The following SLC25A48 variants were observed in gnomAD, a reference collection of about 807,000 sequenced individuals.
SLC25A48 encodes solute carrier family 25 member 48.
In SLC25A48, 29 loss-of-function variants were observed where a neutral mutation model predicts 32.2. The ratio of observed to expected loss-of-function variants is 0.90; its 90% CI spans 0.67 to 1.23. The LOEUF (loss-of-function observed/expected upper bound fraction) is 1.23. SLC25A48 is among the 50% of genes most tolerant of loss of function. SLC25A48 has a pLI of 0.00. For synonymous variants in SLC25A48, 164 were observed against 172.3 expected, an observed-to-expected ratio of 0.95 and a Z score of 0.38; for missense variants, 399 against 422.7, an observed-to-expected ratio of 0.94 and a Z score of 0.49.
At chr5:135,699,446 A>G (rs752290483) in intron 3 of SLC25A48, among the ~76,000 whole-genome samples, 12 of 151,856 alleles carry the variant, frequency 7.9e-5, no homozygotes, top group Non-Finnish European at 1.8e-4. Context: ...ACCAAGAGAT[A>G]CATGACATGA....
At chr5:135,770,085 C>CG (rs35297042) in intron 3 of SLC25A48, among the ~76,000 whole-genome samples, 60,701 of 151,038 alleles carry the variant, frequency 0.4, 14,091 homozygotes, top group Non-Finnish European at 0.52. Flanking sequence ...TCCTAATAGC[C>CG]GGGGGGGAGA....
At chr5:135,882,933 C>A (rs1561565147) in intron 7 of SLC25A48, 1 of 445,888 alleles carries the variant, frequency 2.2e-6, no homozygotes, top group Non-Finnish European at 3.0e-6. Context: ...CCCTGAGAGC[C>A]TCTGCCAGTC....
At position 135,690,622 on chromosome 5, in the gene SLC25A48, G is replaced by C. The variant is rs573789735; in HGVS notation, c.-521+55666G>C. 9.2e-5 allele frequency among the ~76,000 whole-genome samples: 14 copies of C among 152,284 alleles called. No homozygotes were observed. In the Middle Eastern group the frequency reaches 0.01, roughly 111 times the overall value. ...ATTCTCTTATGCTGTGCCATCAGCT[G>C]AGCCCTCCCTTCCCAAAACACCTGC... On this transcript the variant is annotated intron_variant, in intron 3 of 10. Coordinates refer to the SLC25A48 transcript ENST00000646290.
chr5:135,832,891 T>C (rs1758260389), upstream of SLC25A48, among the ~76,000 whole-genome samples: 1 of 152,174 alleles, frequency 6.6e-6, no homozygotes, highest in African/African-American at 2.4e-5. Context: ...TGGATCTCTG[T>C]GGAGTTTCTT....
chr5:135,686,155 G>A (rs1357351049), intron 3 of SLC25A48, among the ~76,000 whole-genome samples: 1 of 152,278 alleles, frequency 6.6e-6, no homozygotes, highest in East Asian at 1.9e-4. Flanking sequence ...TCTCATCTTG[G>A]ACACATCAGT....
chr5:135,679,190 T>A (rs1426805915), intron 3 of SLC25A48, among the ~76,000 whole-genome samples: 1 of 152,102 alleles, frequency 6.6e-6, no homozygotes, highest in African/African-American at 2.4e-5. Flanking sequence ...GGCAGGTCAG[T>A]CCCCAGACTT....
At chr5:135,707,433 C>A (rs1754543303) in intron 3 of SLC25A48, among the ~76,000 whole-genome samples, 1 of 152,170 alleles carries the variant, frequency 6.6e-6, no homozygotes, top group Non-Finnish European at 1.5e-5. Context: ...CTGCCCAGAT[C>A]CCTCCCTGAG....
At chr5:135,608,092 A>G (rs1018232559) in intron 1 of SLC25A48, among the ~76,000 whole-genome samples, 7 of 152,212 alleles carry the variant, frequency 4.6e-5, no homozygotes, top group South Asian at 2.1e-4. Context: ...AAATGGTCCA[A>G]GCTCAGAGAT....
At chr5:135,814,003 A>AG (rs549208531) in intron 4 of SLC25A48, among the ~76,000 whole-genome samples, 32 of 152,236 alleles carry the variant, frequency 2.1e-4, no homozygotes, top group Non-Finnish European at 3.1e-4. Context: ...ACTCCAGGAA[A>AG]GGAAACATGA....
chr5:135,826,144 A>T (rs924849850), intron 4 of SLC25A48: 1 of 152,586 alleles, frequency 6.6e-6, no homozygotes, highest in African/African-American at 2.4e-5. Flanking sequence ...CAGCAGAGCC[A>T]GCAGGAAGAA....
intron 3 of SLC25A48, among the ~76,000 whole-genome samples, chr5:135,762,185 A>C (rs1001984883): frequency 1.3e-5 from 2 of 152,208 alleles, no homozygotes; most frequent in African/African-American, 4.8e-5. Context: ...AAATGGCCGC[A>C]CGTGGCCAGT....
At chr5:135,815,159 C>T (rs1039357977) in intron 4 of SLC25A48, among the ~76,000 whole-genome samples, 3 of 152,186 alleles carry the variant, frequency 2.0e-5, no homozygotes, top group East Asian at 1.9e-4. Flanking sequence ...CGGTCCCCAA[C>T]CTTTTTGGCA....
At chr5:135,771,104 A>G (rs555476387) in intron 3 of SLC25A48, among the ~76,000 whole-genome samples, 2 of 151,480 alleles carry the variant, frequency 1.3e-5, no homozygotes, top group South Asian at 4.2e-4. Flanking sequence ...GTGGGGGTGT[A>G]CACCCCCCCG....
At chr5:135,692,507 A>G (rs1205248156) in intron 3 of SLC25A48, among the ~76,000 whole-genome samples, 1 of 152,234 alleles carries the variant, frequency 6.6e-6, no homozygotes, top group Non-Finnish European at 1.5e-5. Flanking sequence ...GTGGAAAAAT[A>G]GACAATCAAG....
At chr5:135,822,964 T>G (rs1455808937) in intron 4 of SLC25A48, among the ~76,000 whole-genome samples, 1 of 152,050 alleles carries the variant, frequency 6.6e-6, no homozygotes, top group Non-Finnish European at 1.5e-5. Context: ...TCTCTGGGAC[T>G]TGGAGGAGGG....
At chr5:135,735,224 C>T (rs1003532642) in intron 3 of SLC25A48, among the ~76,000 whole-genome samples, 1 of 152,112 alleles carries the variant, frequency 6.6e-6, no homozygotes, top group Non-Finnish European at 1.5e-5. Context: ...GGAGATGTAG[C>T]TGGGATTTTG....
upstream of SLC25A48, among the ~76,000 whole-genome samples, chr5:135,832,817 A>G (rs1389547044): frequency 6.6e-6 from 1 of 152,166 alleles, no homozygotes; most frequent in East Asian, 1.9e-4. Flanking sequence ...AGAGGTCATC[A>G]TTGGGGAAGG....
intron 1 of SLC25A48, among the ~76,000 whole-genome samples, chr5:135,626,611 G>T (rs916524856): frequency 1.3e-5 from 2 of 152,182 alleles, no homozygotes; most frequent in Admixed American, 6.5e-5. Flanking sequence ...TGCAAAGCAG[G>T]CTTCCTAATT....
At chr5:135,699,746 A>T (rs987539085) in intron 3 of SLC25A48, among the ~76,000 whole-genome samples, 42 of 152,338 alleles carry the variant, frequency 2.8e-4, no homozygotes, top group African/African-American at 9.1e-4. Context: ...TAGACTGCCT[A>T]GTGAGGGTCT....
Sources: allele counts gnomAD v4.1 joint callset (sites outside exome capture counted in the v4.1 genomes callset), GRCh38; gene constraint gnomAD v4.1.1; transcripts MANE v1.5; gene names NCBI Gene and HGNC (gene_info 2026-07-23, HGNC 2026-07-21).